The following PTPRF variants were observed in gnomAD, a reference collection of about 807,000 sequenced individuals.
The protein encoded by PTPRF is protein tyrosine phosphatase receptor type F.
A neutral mutation model predicts 201.8 loss-of-function variants in PTPRF; 59 were observed. The ratio of observed to expected loss-of-function variants is 0.29; its 90% confidence interval spans 0.24 to 0.36. The LOEUF is 0.36. Ranked by LOEUF, PTPRF falls within the 10% of genes least tolerant of loss-of-function variation. The pLI is 1.00. For missense variants in PTPRF, 2,132 were observed against 2,690.5 expected (o/e 0.79, Z 4.59); for synonymous variants, 1,088 against 1,089.7 (o/e 1.00, Z 0.03).
intron 5 of PTPRF, among the ~76,000 whole-genome samples, chr1:43,559,793 T>TTG (rs1645667712): frequency 7.9e-6 from 1 of 126,750 alleles, no homozygotes; most frequent in African/African-American, 3.1e-5. Context: ...GGCAGTGTGT[T>TTG]TATCAGGCAG....
At chr1:43,580,385 G>A (rs768448610) in intron 7 of PTPRF, among the ~76,000 whole-genome samples, 2 of 152,220 alleles carry the variant, frequency 1.3e-5, no homozygotes, top group Admixed American at 6.5e-5. Flanking sequence ...AGCCCATTCG[G>A]TGACCAGTTG....
intron 6 of PTPRF, among the ~76,000 whole-genome samples, chr1:43,570,353 G>A (rs1022175079): frequency 1.3e-5 from 2 of 152,234 alleles, no homozygotes; most frequent in African/African-American, 2.4e-5. Context: ...CCCATTGATC[G>A]ATCTGCCTGT....
At chr1:43,611,010 C>A (rs72877527) in intron 22 of PTPRF, among the ~76,000 whole-genome samples, 5,355 of 152,314 alleles carry the variant, frequency 0.035, 328 homozygotes, top group African/African-American at 0.12. Flanking sequence ...AAACTATTTA[C>A]GCTCTGGCCT....
Position 43,553,722 on chromosome 1 carries a change from G to A in PTPRF, c.238-78G>A. The A allele has an allele frequency of 5.6e-6, 9 of 1,608,756 alleles. No individual in the cohort carries two copies. Among genetic ancestry groups the A allele is most frequent in the Non-Finnish European group, 7.6e-6 (9 of 1,176,682 alleles). ...CAGTGTCCCTCCTCATGGACCTTTT[G>A]GAGGTGGGAGGACAACTGACCCTGA... On this transcript the variant is annotated intron_variant, in intron 4 of 33. Transcript: ENST00000359947. The surrounding 1 kb of genome is among the most constrained non-coding windows in gnomAD (Gnocchi z 4.1).
intron 23 of PTPRF, among the ~76,000 whole-genome samples, chr1:43,615,409 A>G (rs1200353925): frequency 6.6e-6 from 1 of 152,046 alleles, no homozygotes; most frequent in South Asian, 2.1e-4. Context: ...CTCTGTTCAC[A>G]GTAGTCCCCT....
intron 3 of PTPRF, among the ~76,000 whole-genome samples, chr1:43,547,587 A>C (rs1027445484): frequency 6.6e-6 from 1 of 152,278 alleles, no homozygotes; most frequent in African/African-American, 2.4e-5. Context: ...ATACACAGAC[A>C]GGGCCACTGC....
rs1265469533 is a variant in PTPRF, at chr1:43,615,574, T to C, written c.4071+1859T>C. On this transcript the variant is annotated intron_variant, in intron 23 of 33. Transcript: ENST00000359947. ...GTCTTTTTTTTTTTTTTTTTTTTTT[T>C]TTTTTTTCTTTTTTGGAAGTCTCGC... Among the ~76,000 whole-genome samples the C allele has an allele frequency of 6.3e-4, 81 of 128,958 alleles. 1 individual carries two copies. Among genetic ancestry groups the C allele is most frequent in the South Asian group, 4.8e-3 (18 of 3,752 alleles). 84.6% of individuals were successfully genotyped at this position (128,958 alleles called of 152,430 possible). A position where few individuals can be genotyped will look rare whatever the true frequency, so the allele number is the denominator to read the frequency against.
chr1:43,569,487 C>A, intron 5 of PTPRF, 103 bp from the exon 6 acceptor site: 1 of 1,223,346 alleles, frequency 8.2e-7, no homozygotes, highest in Non-Finnish European at 1.1e-6. Context: ...GGAGGGGAGT[C>A]TTGAGGGCCC....
At position 43,553,993 on chromosome 1, in the gene PTPRF, A is replaced by C. The variant is rs569977327; in HGVS notation, c.379+52A>C. The C allele has an allele frequency of 1.2e-6, 2 of 1,602,302 alleles. No individual in the cohort carries two copies. The highest frequency in any genetic ancestry group is 4.5e-5 in the East Asian group (2 of 44,674). On this transcript the variant is annotated intron_variant, in intron 5 of 33. Coordinates refer to ENST00000359947, the MANE Select transcript of PTPRF (RefSeq NM_002840.5). The surrounding 1 kb of genome is among the most constrained non-coding windows in gnomAD (Gnocchi z 4.1). ...TGGGCTGCCGGGCTGAGGCGTGGGA[A>C]GAGCCAGCCAGCCCTGATCCTGTCC...
rs1164419880 is a variant in PTPRF, at chr1:43,603,048, G to A, written c.2341-368G>A. 1.3e-5 allele frequency among the ~76,000 whole-genome samples: 2 copies of A among 152,284 alleles called. No homozygotes were observed. Among genetic ancestry groups the A allele is most frequent in the East Asian group, 1.9e-4 (1 of 5,172 alleles). On this transcript the variant is annotated intron_variant, in intron 14 of 33. Coordinates refer to ENST00000359947, the MANE Select transcript of PTPRF (RefSeq NM_002840.5). This position sits in a 1 kb window ranked among gnomAD's most constrained non-coding sequence, Gnocchi z 5.8. ...TATGCAGGAGCTGTAGGCTGTGTGC[G>A]TGTGGCTGCCAAGAGCCACGCAAGG...
chr1:43,600,648 G>A (rs867021567), intron 13 of PTPRF, among the ~76,000 whole-genome samples: 4 of 151,286 alleles, frequency 2.6e-5, no homozygotes, highest in Middle Eastern at 3.4e-3. Flanking sequence ...ATGTGGTGCA[G>A]GTTCCCACCC....
intron 6 of PTPRF, among the ~76,000 whole-genome samples, chr1:43,577,590 C>T (rs1647012608): frequency 6.6e-6 from 1 of 152,180 alleles, no homozygotes; most frequent in Non-Finnish European, 1.5e-5. Context: ...CCCTTTGGGC[C>T]CCAACCGTGA....
chr1:43,583,199 G>GTGCC (rs1418352425), intron 7 of PTPRF: 2 of 779,942 alleles, frequency 2.6e-6, no homozygotes, highest in African/African-American at 1.9e-5. Flanking sequence ...TCACTGCGCC[G>GTGCC]TGCCTGCCTG....
chr1:43,618,857 C>A, intron 26 of PTPRF, 108 bp downstream of exon 26: 1 of 1,504,444 alleles, frequency 6.6e-7, no homozygotes, highest in Non-Finnish European at 9.0e-7. Context: ...GTTGGAGGGT[C>A]GGAGGCTCAG....
intron 7 of PTPRF, chr1:43,583,027 A>G: frequency 1.0e-6 from 1 of 962,704 alleles, no homozygotes; most frequent in Non-Finnish European, 1.2e-6. Context: ...TCTTTTTTTT[A>G]TTCCCTCCTC....
At chr1:43,535,598 A>G (rs1557658690) in intron 1 of PTPRF, among the ~76,000 whole-genome samples, 1 of 152,086 alleles carries the variant, frequency 6.6e-6, no homozygotes, top group African/African-American at 2.4e-5. Context: ...TCCCCTAGGT[A>G]TCATCGACTT....
rs752820297 is a variant in PTPRF, at chr1:43,620,538, C to A, written c.5323C>A (p.Pro1775Thr). 2 of 1,613,978 alleles carry A rather than the reference C, an allele frequency of 1.2e-6. No homozygotes were observed. The highest frequency in any genetic ancestry group is 1.3e-5 in the African/African-American group (1 of 74,928). ...TGACCCGATGGCTGAGTACAACATGCCCCAGTATATCCTGCGTGAGTTCAA... is the reference window on the plus strand; with the variant it reads ...TGACCCGATGGCTGAGTACAACATGACCCAGTATATCCTGCGTGAGTTCAA... ...VVDPMAEYNMPQYILREFKVT... is the reference protein window; with the variant it reads ...VVDPMAEYNMTQYILREFKVT... Residue 1775 changes from proline (P) to threonine (T), a missense_variant, in exon 31 of 34, where the codon CCC becomes ACC. Transcript: ENST00000359947.
intron 6 of PTPRF, among the ~76,000 whole-genome samples, chr1:43,571,715 G>T (rs1026543975): frequency 5.9e-5 from 9 of 152,158 alleles, no homozygotes; most frequent in African/African-American, 2.2e-4. Context: ...TCATCCTGTA[G>T]GTCAGGTTTG....
chr1:43,620,101 G>A lies in PTPRF; in HGVS notation c.5118G>A (p.Gln1706=), dbSNP rs1658834633. The part of the protein sequence containing the change: ...NASFLDGYRQ[Q]KAYIATQGPL... ...AGTCTTATGTCCACCCCAGACAGCA[G>A]AAGGCCTACATAGCTACACAGGGGC... is the stretch of plus-strand genomic sequence containing the variant. Residue 1706 remains glutamine (Q), a synonymous_variant, in exon 30 of 34, where the codon CAG becomes CAA. Coordinates refer to ENST00000359947, the MANE Select transcript of PTPRF (RefSeq NM_002840.5). 7 of 1,614,058 alleles carry A rather than the reference G, an allele frequency of 4.3e-6. No individual in the cohort carries two copies. Among genetic ancestry groups the A allele is most frequent in the Non-Finnish European group, 5.9e-6 (7 of 1,179,952 alleles).
Sources: allele counts gnomAD v4.1 joint callset (sites outside exome capture counted in the v4.1 genomes callset), GRCh38; gene constraint gnomAD v4.1.1; non-coding constraint Gnocchi (gnomAD v3.1); transcripts MANE v1.5; gene names NCBI Gene and HGNC (gene_info 2026-07-23, HGNC 2026-07-21).